Variants in ANK3 observed in about 807,000 individuals in gnomAD.
ANK3 encodes ankyrin-3.
Under a neutral mutation model 370.9 loss-of-function variants are expected in ANK3, and 57 were observed. That is an observed-to-expected ratio of 0.15 (90% confidence interval 0.12 to 0.19). The LOEUF (loss-of-function observed/expected upper bound fraction) is 0.19. Among genes scored for constraint, ANK3 ranks in the 10% least tolerant of loss-of-function variants. The pLI, the probability that ANK3 is intolerant of heterozygous loss-of-function variation, is 1.00. For synonymous variants in ANK3, 1,929 were observed against 1,946.3 expected, an observed-to-expected ratio of 0.99 and a Z score of 0.23; for missense variants, 4,439 against 5,302.1, an observed-to-expected ratio of 0.84 and a Z score of 5.06.
intron 18 of ANK3, among the ~76,000 whole-genome samples, chr10:60,178,419 C>T (rs943849103): frequency 3.9e-5 from 6 of 152,096 alleles, no homozygotes; most frequent in Non-Finnish European, 7.4e-5. Context: ...GACGAGGATG[C>T]TAATTTTACC....
chr10:60,097,467 A>C (rs2090368209), intron 28 of ANK3, among the ~76,000 whole-genome samples: 1 of 152,196 alleles, frequency 6.6e-6, no homozygotes, highest in Non-Finnish European at 1.5e-5. Flanking sequence ...ATAAATGATA[A>C]ATTTCTTAAG....
intron 43 of ANK3, among the ~76,000 whole-genome samples, chr10:60,042,379 T>C (rs1034784392): frequency 6.6e-6 from 1 of 152,238 alleles, no homozygotes; most frequent in Non-Finnish European, 1.5e-5. Flanking sequence ...TTGTATTTCA[T>C]AGTGAGCCTT....
intron 1 of ANK3, among the ~76,000 whole-genome samples, chr10:60,646,574 C>G (rs541303338): frequency 4.6e-4 from 70 of 152,196 alleles, no homozygotes; most frequent in African/African-American, 1.6e-3. Flanking sequence ...CTACAGAGAT[C>G]CAGTTCCAGG....
In ANK3 at chr10:60,492,305, C is replaced by G. The variant is rs139763886; in HGVS notation, c.96+122881G>C. On this transcript the variant is annotated intron_variant, in intron 2 of 43. Coordinates refer to the ANK3 transcript ENST00000373827. ...TCACCATCACCATGATTCCCTCATC[C>G]TCAGTTCTCCTGGCAGAGTAAAAGA... Among the ~76,000 whole-genome samples, 362 of 152,302 alleles carry G rather than the reference C, an allele frequency of 2.4e-3. 1 individual carries two copies. The highest frequency in any genetic ancestry group is 4.4e-3 in the Non-Finnish European group (296 of 68,028).
At chr10:60,536,690 G>T (rs980599924) in intron 2 of ANK3, among the ~76,000 whole-genome samples, 40 of 152,042 alleles carry the variant, frequency 2.6e-4, no homozygotes, top group Admixed American at 1.5e-3. Context: ...TGAAAAGAGG[G>T]CTAAGCAAGA....
intron 2 of ANK3, among the ~76,000 whole-genome samples, chr10:60,538,508 C>G (rs907917876): frequency 6.6e-6 from 1 of 151,970 alleles, no homozygotes; most frequent in Non-Finnish European, 1.5e-5. Flanking sequence ...CTTCATCAAG[C>G]CTTTTGCTTT....
chr10:60,606,345 C>A (rs2078128034), intron 2 of ANK3, among the ~76,000 whole-genome samples: 1 of 151,836 alleles, frequency 6.6e-6, no homozygotes, highest in East Asian at 1.9e-4. Context: ...ATTAATTGGT[C>A]TCATGAGATT....
intron 25 of ANK3, among the ~76,000 whole-genome samples, chr10:60,134,068 T>C (rs1465389085): frequency 6.6e-6 from 1 of 152,226 alleles, no homozygotes; most frequent in Non-Finnish European, 1.5e-5. Context: ...CTCTCTGATA[T>C]TCCTATCTTC....
At chr10:60,227,781 G>A (rs1490668694) in intron 8 of ANK3, among the ~76,000 whole-genome samples, 5 of 151,700 alleles carry the variant, frequency 3.3e-5, no homozygotes, top group East Asian at 1.9e-4. Context: ...TCTTTCCCCC[G>A]CATTATACTC....
chr10:60,069,616 T>C lies in ANK3; in HGVS notation c.11265A>G (p.Leu3755=). 1 of 1,614,174 alleles carries C rather than the reference T, an allele frequency of 6.2e-7. No homozygotes were observed. The highest frequency in any genetic ancestry group is 8.5e-7 in the Non-Finnish European group (1 of 1,180,016). ...AAATCATTGTTATAGTTTCATTTTC[T>C]AATCCCTGACAACTGGTCATCACCG... is the stretch of plus-strand genomic sequence containing the variant. The part of the protein sequence containing the change: ...IEAVMTSCQG[L]ENETITMISN... The change falls in exon 37 of 44, where the codon TTA becomes TTG. Residue 3755 remains leucine, a synonymous_variant. Transcript: ENST00000280772.
chr10:60,696,978 C>T (rs1262308496), intron 1 of ANK3, among the ~76,000 whole-genome samples: 17 of 140,548 alleles, frequency 1.2e-4, no homozygotes, highest in East Asian at 2.1e-4. Flanking sequence ...TGTTTGCAGA[C>T]GACATGATTG....
At chr10:60,322,079 T>A (rs1166260707) in intron 1 of ANK3, among the ~76,000 whole-genome samples, 16 of 152,186 alleles carry the variant, frequency 1.1e-4, no homozygotes, top group Non-Finnish European at 2.4e-4. Context: ...TATTTTCTAG[T>A]TGTATAAATA....
At chr10:60,620,913 G>A (rs183346507) in intron 1 of ANK3, among the ~76,000 whole-genome samples, 8 of 152,242 alleles carry the variant, frequency 5.3e-5, no homozygotes, top group Non-Finnish European at 1.0e-4. Context: ...TTTAAACAAC[G>A]TGAGGTAGGA....
intron 25 of ANK3, among the ~76,000 whole-genome samples, chr10:60,119,893 A>G (rs1269986943): frequency 6.6e-6 from 1 of 152,222 alleles, no homozygotes. Context: ...ATACTGCCCA[A>G]AGTAATCAAA....
chr10:60,354,027 G>A (rs1276973735), intron 1 of ANK3, among the ~76,000 whole-genome samples: 1 of 152,226 alleles, frequency 6.6e-6, no homozygotes, highest in Non-Finnish European at 1.5e-5. Flanking sequence ...CTCCTGCACA[G>A]CATTGTATAC....
intron 28 of ANK3, among the ~76,000 whole-genome samples, chr10:60,101,125 TTAA>T (rs1216327018): frequency 5.9e-5 from 9 of 152,224 alleles, no homozygotes; most frequent in Admixed American, 2.0e-4. Context: ...AATGTAAAAA[TTAA>T]TAATGAGATA....
At chr10:60,350,652 C>T (rs560973835) in intron 1 of ANK3, among the ~76,000 whole-genome samples, 1 of 152,194 alleles carries the variant, frequency 6.6e-6, no homozygotes, top group Non-Finnish European at 1.5e-5. Flanking sequence ...CTGTGGAGAT[C>T]TACAAATGTA....
chr10:60,071,479 T>A lies in ANK3; in HGVS notation c.9402A>T (p.Thr3134=). The part of the protein sequence containing the change: ...TVQETRGTFY[T]TRQQKQPPSP... ...AAGGAGGTTGCTTTTGCTGTCTAGTTGTATAAAAGGTCCCCCTGGTTTCTT... is the reference window on the plus strand; with the variant it reads ...AAGGAGGTTGCTTTTGCTGTCTAGTAGTATAAAAGGTCCCCCTGGTTTCTT... Residue 3134 remains threonine (T), a synonymous_variant, in exon 37 of 44, where the codon ACA becomes ACT. Coordinates refer to ENST00000280772, the MANE Select transcript of ANK3 (RefSeq NM_020987.5). The A allele has an allele frequency of 1.2e-6, 2 of 1,613,962 alleles. No individual in the cohort carries two copies. Among genetic ancestry groups the A allele is most frequent in the Non-Finnish European group, 1.7e-6 (2 of 1,179,940 alleles).
chr10:60,535,321 T>C (rs1307285435), intron 2 of ANK3, among the ~76,000 whole-genome samples: 1 of 152,100 alleles, frequency 6.6e-6, no homozygotes, highest in Non-Finnish European at 1.5e-5. Context: ...CATTTCTCTA[T>C]TTTATAGCAA....
Sources: gnomAD v4.1 joint callset for allele counts (sites outside exome capture counted in the v4.1 genomes callset) on GRCh38, gnomAD v4.1.1 for gene constraint, MANE v1.5 for transcripts, NCBI Gene and HGNC (gene_info 2026-07-23, HGNC 2026-07-21) for gene names.